Variants in QRFPR observed in about 807,000 individuals in gnomAD.
QRFPR encodes the protein pyroglutamylated RF-amide peptide receptor.
In QRFPR, 37 loss-of-function variants were observed where a neutral mutation model predicts 31.3. That is an observed-to-expected ratio of 1.18 (90% CI 0.91 to 1.56). The LOEUF (loss-of-function observed/expected upper bound fraction) is 1.56, where lower values mean the gene tolerates loss of function less well. Among genes scored for constraint, QRFPR ranks in the 40% most tolerant of loss-of-function variants. QRFPR has a pLI of 0.00. For missense variants in QRFPR, 542 were observed against 532.5 expected, an observed-to-expected ratio of 1.02 and a Z score of -0.18; for synonymous variants, 197 against 192.0, an observed-to-expected ratio of 1.03 and a Z score of -0.22.
At chr4:121,377,550 G>A (rs1373737703) in intron 1 of QRFPR, among the ~76,000 whole-genome samples, 1 of 151,622 alleles carries the variant, frequency 6.6e-6, no homozygotes, top group Non-Finnish European at 1.5e-5. Context: ...CCTCCAACTT[G>A]GCACTGACCC....
chr4:121,329,301 G>T lies in QRFPR; in HGVS notation c.*13C>A. On this transcript the variant is annotated 3_prime_UTR_variant, in exon 6 of 6. Transcript: ENST00000394427. ...CAATCTGAAGGGCATTAATTATGAA[G>T]ATATTGTTATAATTAATGCCCACTG... The T allele has an allele frequency of 6.4e-7, 1 of 1,568,976 alleles. No individual in the cohort carries two copies. The highest frequency in any genetic ancestry group is 8.7e-7 in the Non-Finnish European group (1 of 1,153,218).
intron 1 of QRFPR, among the ~76,000 whole-genome samples, chr4:121,361,782 G>A (rs1725997969): frequency 1.3e-5 from 2 of 149,992 alleles, no homozygotes; most frequent in South Asian, 4.2e-4. Flanking sequence ...TTTTTCACGA[G>A]GTAACTAGGC....
Position 121,380,185 on chromosome 4 carries a change from A to AGGAGAGAGAG in QRFPR, c.340+113_340+122dup, listed in dbSNP as rs375314594. 2,752 of 364,526 alleles carry AGGAGAGAGAG rather than the reference A, an allele frequency of 7.5e-3. 206 individuals carry two copies. Among genetic ancestry groups the AGGAGAGAGAG allele is most frequent in the Middle Eastern group, 0.011 (16 of 1,514 alleles). The allele number at this position is 364,526 out of a possible 1,614,324, so 22.6% of individuals were successfully genotyped here. A position where few individuals can be genotyped will look rare whatever the true frequency, so the allele number is the denominator to read the frequency against. On this transcript the variant is annotated intron_variant, in intron 1 of 5. Transcript: ENST00000394427. The stretch of plus-strand genomic sequence containing the variant: ...CGAGAGAGAGACAGACAGACGAGAG[A>AGGAGAGAGAG]GGAGAGAGAGAGAGAGAGAGAGAGA...
chr4:121,340,439 C>A lies in QRFPR; in HGVS notation c.499+13G>T. The A allele has an allele frequency of 1.2e-6, 2 of 1,613,758 alleles. No individual in the cohort carries two copies. The highest frequency in any genetic ancestry group is 2.2e-5 in the East Asian group (1 of 44,864). ...GTCATTCACACTGCCATTGGCACAT[C>A]CAGTGGCCTCACCTAGCATTGTGAA... is the stretch of plus-strand genomic sequence containing the variant. On this transcript the variant is annotated intron_variant, in intron 2 of 5. Coordinates refer to ENST00000394427, the MANE Select transcript of QRFPR (RefSeq NM_198179.3).
rs72917735 is a variant in QRFPR at position 121,350,592 on chromosome 4, C to T, written c.341-9982G>A. Among the ~76,000 whole-genome samples, 873 of 152,266 alleles carry T rather than the reference C, an allele frequency of 5.7e-3. 12 individuals carry two copies. The highest frequency in any genetic ancestry group is 0.02 in the African/African-American group (839 of 41,554). On this transcript the variant is annotated intron_variant, in intron 1 of 5. Transcript: ENST00000394427. ...TGATGCCTCTCTTAGTGTCAACATT[C>T]GGCACATGCATCCCTTTGTGAACAC... is the stretch of plus-strand genomic sequence containing the variant.
At chr4:121,342,109 C>T (rs1725554423) in intron 1 of QRFPR, among the ~76,000 whole-genome samples, 1 of 152,190 alleles carries the variant, frequency 6.6e-6, no homozygotes, top group Non-Finnish European at 1.5e-5. Context: ...GGTTGGGCAG[C>T]GTCCAATCCA....
chr4:121,376,443 TGC>T (rs1466967549), intron 1 of QRFPR, among the ~76,000 whole-genome samples: 1 of 152,218 alleles, frequency 6.6e-6, no homozygotes, highest in East Asian at 1.9e-4. Flanking sequence ...GGCTACACTT[TGC>T]CTCACCTATT....
chr4:121,366,371 C>T (rs1726134736), intron 1 of QRFPR, among the ~76,000 whole-genome samples: 1 of 150,010 alleles, frequency 6.7e-6, no homozygotes, highest in Non-Finnish European at 1.5e-5. Context: ...GAATCTGTTT[C>T]CCTATTCTTT....
intron 1 of QRFPR, chr4:121,369,713 C>T (rs1726196129): frequency 6.3e-7 from 1 of 1,593,084 alleles, no homozygotes; most frequent in Admixed American, 1.7e-5. Flanking sequence ...CTTATCCCCA[C>T]TTCCAGAGTC....
At position 121,376,543 on chromosome 4, in the gene QRFPR, GTT is replaced by G. The variant is rs35472146; in HGVS notation, c.340+3763_340+3764del. ...AAGCAACTGTTTGATTTCTGGGTTT[GTT>G]TTTTTTTTTTTTCACTTTTTTAAAA... is the stretch of plus-strand genomic sequence containing the variant. On this transcript the variant is annotated intron_variant, in intron 1 of 5. Coordinates refer to ENST00000394427, the MANE Select transcript of QRFPR (RefSeq NM_198179.3). Among the ~76,000 whole-genome samples the G allele has an allele frequency of 8.0e-3, 1,091 of 136,376 alleles. 13 individuals carry two copies. The highest frequency in any genetic ancestry group is 0.026 in the African/African-American group (993 of 38,618). The allele number at this position is 136,376 out of a possible 152,430, so 89.5% of individuals were successfully genotyped here.
chr4:121,367,056 G>T (rs1253751839), intron 1 of QRFPR, among the ~76,000 whole-genome samples: 1 of 149,970 alleles, frequency 6.7e-6, no homozygotes, highest in Non-Finnish European at 1.5e-5. Flanking sequence ...ACCTCTTTAG[G>T]CTATGAACTA....
chr4:121,372,526 A>C (rs897751032), intron 1 of QRFPR, among the ~76,000 whole-genome samples: 1 of 152,174 alleles, frequency 6.6e-6, no homozygotes, highest in Non-Finnish European at 1.5e-5. Context: ...TATCTGTTTC[A>C]AAAACTTTTT....
intron 1 of QRFPR, 51 bp from the exon 2 acceptor site, chr4:121,340,661 G>T: frequency 6.5e-7 from 1 of 1,542,216 alleles, no homozygotes; most frequent in Admixed American, 1.8e-5. Flanking sequence ...AAGAATAAAG[G>T]TTTCATCTGT....
At chr4:121,337,452 C>T (rs1296294760) in intron 2 of QRFPR, among the ~76,000 whole-genome samples, 1 of 152,196 alleles carries the variant, frequency 6.6e-6, no homozygotes, top group African/African-American at 2.4e-5. Context: ...TCTCAATTTC[C>T]TCCAAACTCC....
At position 121,365,537 on chromosome 4, in the gene QRFPR, ATATATTATATATAATATATAAT is replaced by A. The variant is rs1560743624; in HGVS notation, c.340+14749_340+14770del. ...ATATATTATATATATTATATATAAT[ATATATTATATATAATATATAAT>A]ATATATTATATATAATATATATTAT... is the stretch of plus-strand genomic sequence containing the variant. On this transcript the variant is annotated intron_variant, in intron 1 of 5. Coordinates refer to ENST00000394427, the MANE Select transcript of QRFPR (RefSeq NM_198179.3). Among the ~76,000 whole-genome samples, 30 of 8,494 alleles carry A rather than the reference ATATATTATATATAATATATAAT, an allele frequency of 3.5e-3. 5 individuals are homozygous for A. Among genetic ancestry groups the A allele is most frequent in the African/African-American group, 0.021 (29 of 1,380 alleles). The allele number at this position is 8,494 out of a possible 152,430, so 5.6% of individuals were successfully genotyped here.
chr4:121,340,349 A>C (rs1488312651), intron 2 of QRFPR, 103 bp downstream of exon 2: 1 of 1,252,586 alleles, frequency 8.0e-7, no homozygotes, highest in African/African-American at 1.5e-5. Context: ...TCCAATGCCT[A>C]CAAGTTAGAT....
chr4:121,340,107 T>TAAAAA (rs1725510469), intron 2 of QRFPR: 1 of 78,004 alleles, frequency 1.3e-5, no homozygotes, highest in Non-Finnish European at 2.2e-5. Flanking sequence ...ACACTCTGTC[T>TAAAAA]CAAAAAAAAA....
At position 121,331,622 on chromosome 4, in the gene QRFPR, CATTATTATT is replaced by C. The variant is rs59488750; in HGVS notation, c.798-1108_798-1100del. On this transcript the variant is annotated intron_variant, in intron 4 of 5. Transcript: ENST00000394427. ...TTATAAAAACTCATACTCATTATCT[CATTATTATT>C]ATTATTATTATTATTATTATTATTA... Among the ~76,000 whole-genome samples, 405 of 142,696 alleles carry C rather than the reference CATTATTATT, an allele frequency of 2.8e-3. 1 individual carries two copies. The highest frequency in any genetic ancestry group is 3.7e-3 in the East Asian group (18 of 4,904). 93.6% of individuals were successfully genotyped at this position (142,696 alleles called of 152,430 possible). A position where few individuals can be genotyped will look rare whatever the true frequency, so the allele number is the denominator to read the frequency against.
Position 121,329,715 on chromosome 4 carries a change from C to A in QRFPR, c.896-1G>T. On this transcript the variant is annotated splice_acceptor_variant, in intron 5 of 5. Transcript: ENST00000394427. LOFTEE classifies it high-confidence loss of function. ...TCATCATATTCCTTTTCAAAATTAC[C>A]TGAAATAAAGTAATATTTTAGAATG... The A allele has an allele frequency of 6.7e-7, 1 of 1,494,890 alleles. No individual in the cohort carries two copies. Among genetic ancestry groups the A allele is most frequent in the Non-Finnish European group, 9.0e-7 (1 of 1,113,804 alleles). 92.6% of individuals were successfully genotyped at this position (1,494,890 alleles called of 1,614,324 possible).
Sources: allele counts gnomAD v4.1 joint callset (sites outside exome capture counted in the v4.1 genomes callset), GRCh38; gene constraint gnomAD v4.1.1; transcripts MANE v1.5; gene names NCBI Gene and HGNC (gene_info 2026-07-23, HGNC 2026-07-21).